Variants in MTA3 observed in about 807,000 individuals in gnomAD.
MTA3 encodes metastasis-associated protein MTA3.
MTA3 carries 34 observed loss-of-function variants against 83.5 expected under a neutral mutation model. The observed-to-expected ratio is 0.41, with a 90% CI of 0.31 to 0.54. The LOEUF is 0.54. Ranked by LOEUF, MTA3 falls within the 20% of genes least tolerant of loss-of-function variation. The pLI, the probability that MTA3 is intolerant of heterozygous loss-of-function variation, is 0.33. For missense variants in MTA3, 761 were observed against 726.4 expected, an observed-to-expected ratio of 1.05 and a Z score of -0.55; for synonymous variants, 303 against 252.7, an observed-to-expected ratio of 1.20 and a Z score of -1.89.
rs3039325 is a variant in MTA3 at position 42,593,708 on chromosome 2, CTTTA to C, written c.190+14517_190+14520del. Among the ~76,000 whole-genome samples the C allele has an allele frequency of 4.0e-5, 6 of 151,222 alleles. 1 individual carries two copies. The South Asian group carries it at 6.2e-4, about 16-fold the overall frequency. On this transcript the variant is annotated intron_variant, in intron 3 of 16. Transcript: ENST00000405094. Reference sequence around the variant, plus strand: ...CTTTATTTATTTATTGATATGGAGTCTTTATTTATTTACTGAGACGGAGTTTTGC... The same window carrying C: ...CTTTATTTATTTATTGATATGGAGTCTTTATTTACTGAGACGGAGTTTTGC...
intron 4 of MTA3, among the ~76,000 whole-genome samples, chr2:42,639,459 G>T (rs1330325798): frequency 4.6e-5 from 7 of 152,054 alleles, no homozygotes; most frequent in Non-Finnish European, 1.0e-4. Flanking sequence ...GAAAGTGCTC[G>T]TAATAAATGC....
intron 2 of MTA3, among the ~76,000 whole-genome samples, chr2:42,562,049 G>A (rs78601851): frequency 2.7e-4 from 41 of 152,234 alleles, no homozygotes; most frequent in Non-Finnish European, 4.3e-4. Context: ...AGTGGTTGCT[G>A]GCAACCCCTG....
At chr2:42,571,512 A>G (rs1252924961) in intron 2 of MTA3, among the ~76,000 whole-genome samples, 1 of 152,032 alleles carries the variant, frequency 6.6e-6, no homozygotes, top group South Asian at 2.1e-4. Flanking sequence ...CAAATTGCTT[A>G]GAGCCTCTGA....
At chr2:42,746,442 A>G (rs1376697801) in intron 16 of MTA3, among the ~76,000 whole-genome samples, 1 of 152,182 alleles carries the variant, frequency 6.6e-6, no homozygotes, top group Admixed American at 6.5e-5. Flanking sequence ...ACACCAAGCA[A>G]GCAATCAGTT....
chr2:42,650,676 G>A (rs986531048), intron 6 of MTA3, among the ~76,000 whole-genome samples: 14 of 152,046 alleles, frequency 9.2e-5, no homozygotes, highest in Non-Finnish European at 7.4e-5. Flanking sequence ...TGATCTGCCC[G>A]CCTCAGCCTC....
chr2:42,630,389 A>G (rs951268814), intron 4 of MTA3, among the ~76,000 whole-genome samples: 5 of 152,226 alleles, frequency 3.3e-5, no homozygotes, highest in Non-Finnish European at 5.9e-5. Flanking sequence ...GAAGTATACA[A>G]TAAAATGTCT....
rs1693755062 is a variant in MTA3, at chr2:42,700,348, T to A, written c.1025+2514T>A. 2.0e-5 allele frequency among the ~76,000 whole-genome samples: 3 copies of A among 152,238 alleles called. No individual in the cohort carries two copies. In the South Asian group the frequency reaches 6.2e-4, roughly 31 times the overall value. On this transcript the variant is annotated intron_variant, in intron 11 of 16. Coordinates refer to ENST00000405094, the MANE Select transcript of MTA3 (RefSeq NM_001330442.2). ...AGATTGTCACAATGACATCAATCAT[T>A]TGTCCCCTGGGAATTAATCTATAGG... is the stretch of plus-strand genomic sequence containing the variant.
intron 2 of MTA3, among the ~76,000 whole-genome samples, chr2:42,541,852 C>A (rs1227985321): frequency 6.6e-6 from 1 of 152,164 alleles, no homozygotes; most frequent in Non-Finnish European, 1.5e-5. Flanking sequence ...CACTTCTTCC[C>A]TTCAGTCTCT....
intron 3 of MTA3, among the ~76,000 whole-genome samples, chr2:42,579,401 A>G (rs1013160916): frequency 6.8e-6 from 1 of 146,254 alleles, no homozygotes; most frequent in Non-Finnish European, 1.5e-5. Context: ...ATATGTGTGT[A>G]TGTAATTTTA....
At chr2:42,616,019 C>G (rs1009816585) in intron 4 of MTA3, among the ~76,000 whole-genome samples, 2 of 142,440 alleles carry the variant, frequency 1.4e-5, no homozygotes, top group Non-Finnish European at 3.1e-5. Flanking sequence ...CGTGCCCGGC[C>G]GTACAGGCGT....
intron 14 of MTA3, among the ~76,000 whole-genome samples, chr2:42,713,510 G>T (rs1353821718): frequency 6.6e-6 from 1 of 151,930 alleles, no homozygotes; most frequent in Non-Finnish European, 1.5e-5. Flanking sequence ...GGTTTTGAAT[G>T]GATACTGAAA....
chr2:42,751,813 G>A (rs1383355791), intron 16 of MTA3, among the ~76,000 whole-genome samples: 1 of 152,178 alleles, frequency 6.6e-6, no homozygotes, highest in Non-Finnish European at 1.5e-5. Context: ...GAATGACAGA[G>A]CTCCTGCTCC....
At chr2:42,609,661 A>T in intron 4 of MTA3, 77 bp downstream of exon 4, 1 of 1,476,842 alleles carries the variant, frequency 6.8e-7, no homozygotes, top group Non-Finnish European at 9.1e-7. Flanking sequence ...AGCGTTTTCC[A>T]GACTCTTCTC....
At chr2:42,507,050 G>A (rs187338353) in intron 2 of MTA3, among the ~76,000 whole-genome samples, 34 of 152,240 alleles carry the variant, frequency 2.2e-4, no homozygotes, top group Admixed American at 1.8e-3. Context: ...AGTAGCATGC[G>A]TGATCACGCT....
chr2:42,735,413 G>C (rs541399708), intron 16 of MTA3, among the ~76,000 whole-genome samples: 2 of 152,022 alleles, frequency 1.3e-5, no homozygotes, highest in Admixed American at 6.6e-5. Flanking sequence ...TTGACTTTTG[G>C]GAGTTTGATT....
At chr2:42,700,139 C>A (rs1693738978) in intron 11 of MTA3, among the ~76,000 whole-genome samples, 1 of 151,770 alleles carries the variant, frequency 6.6e-6, no homozygotes, top group Admixed American at 6.6e-5. Flanking sequence ...AGCACTGCTG[C>A]ATATGAGCCA....
At chr2:42,683,355 T>C (rs1692096489) in intron 9 of MTA3, among the ~76,000 whole-genome samples, 1 of 152,186 alleles carries the variant, frequency 6.6e-6, no homozygotes, top group Non-Finnish European at 1.5e-5. Flanking sequence ...TAGGAGAATT[T>C]GTTTTATGGG....
In MTA3 at chr2:42,579,177, T is replaced by A. The variant is rs779900158; in HGVS notation, c.167T>A (p.Ile56Lys). The change falls in exon 3 of 17, where the codon ATA becomes AAA. Residue 56 changes from isoleucine to lysine, a missense_variant. By Grantham distance (102) the Ile-to-Lys change is moderately radical. Transcript: ENST00000405094. ...CGACGTGATATTTCCAACACACTTA[T>A]AATGCTCGCAGATAAGCATGCTAGT... ...YRRRDISNTL[I>K]MLADKHAKEI... 1.1e-5 allele frequency: 18 copies of A among 1,602,450 alleles called. No homozygotes were observed. Among genetic ancestry groups the A allele is most frequent in the Non-Finnish European group, 1.0e-5 (12 of 1,175,118 alleles).
intron 8 of MTA3, among the ~76,000 whole-genome samples, chr2:42,672,759 C>T (rs1224657506): frequency 1.3e-5 from 2 of 149,472 alleles, no homozygotes; most frequent in African/African-American, 4.9e-5. Flanking sequence ...TAAGCCTTAG[C>T]AAGTTTGTTG....
Sources: allele counts gnomAD v4.1 joint callset (sites outside exome capture counted in the v4.1 genomes callset), GRCh38; gene constraint gnomAD v4.1.1; transcripts MANE v1.5; gene names NCBI Gene and HGNC (gene_info 2026-07-23, HGNC 2026-07-21).